Variants in SEC14L1 observed in about 807,000 individuals in gnomAD.
SEC14L1 encodes the protein SEC14 like lipid binding 1.
In SEC14L1, 48 loss-of-function variants were observed where a neutral mutation model predicts 85.3. That is an observed-to-expected ratio of 0.56 (90% confidence interval 0.45 to 0.72). The LOEUF (loss-of-function observed/expected upper bound fraction) is 0.72. Ranked by LOEUF, SEC14L1 falls within the 30% of genes least tolerant of loss-of-function variation. SEC14L1 has a pLI of 0.00. For synonymous variants in SEC14L1, 391 were observed against 355.5 expected (o/e 1.10, Z -1.12); for missense variants, 682 against 921.4 (o/e 0.74, Z 3.36).
At chr17:77,092,348 T>C (rs1971537569) in intron 2 of SEC14L1, among the ~76,000 whole-genome samples, 1 of 152,056 alleles carries the variant, frequency 6.6e-6, no homozygotes, top group Admixed American at 6.6e-5. Flanking sequence ...CAGTAGGCAC[T>C]ATGGAACAAC....
chr17:77,147,031 G>A (rs141515039), intron 3 of SEC14L1, among the ~76,000 whole-genome samples: 15 of 152,200 alleles, frequency 9.9e-5, no homozygotes, highest in African/African-American at 3.4e-4. Flanking sequence ...CGTAGCTTCC[G>A]CCGGCGGACT....
chr17:77,200,956 A>G (rs1305687829), intron 9 of SEC14L1, among the ~76,000 whole-genome samples: 1 of 152,220 alleles, frequency 6.6e-6, no homozygotes, highest in African/African-American at 2.4e-5. Flanking sequence ...GGTGCAGTAC[A>G]GTTTGTTTTG....
intron 9 of SEC14L1, among the ~76,000 whole-genome samples, chr17:77,203,295 G>A (rs966576281): frequency 1.3e-5 from 2 of 152,102 alleles, no homozygotes; most frequent in Non-Finnish European, 2.9e-5. Context: ...AGTCCCAGCC[G>A]GATTCCCCTC....
rs1356636713 is a variant in SEC14L1, at chr17:77,214,149, C to T, written c.*126C>T. 6.9e-7 allele frequency: 1 copy of T among 1,455,646 alleles called. No homozygotes were observed. The highest frequency in any genetic ancestry group is 1.4e-5 in the South Asian group (1 of 69,632). 90.2% of individuals were successfully genotyped at this position (1,455,646 alleles called of 1,614,324 possible). A position where few individuals can be genotyped will look rare whatever the true frequency, so the allele number is the denominator to read the frequency against. On this transcript the variant is annotated 3_prime_UTR_variant, in exon 17 of 17. Transcript: ENST00000436233. ...TCACCTCTAGATAGCAAATAGCTCT[C>T]AGATGGTAAACGTAGTCGTTTGATC...
intron 3 of SEC14L1, among the ~76,000 whole-genome samples, chr17:77,120,028 GC>G (rs1477322657): frequency 6.6e-6 from 1 of 152,010 alleles, no homozygotes; most frequent in Non-Finnish European, 1.5e-5. Flanking sequence ...TTGTTATACT[GC>G]CTGAGAGCCC....
At chr17:77,147,118 G>A (rs1598297838) in intron 3 of SEC14L1, among the ~76,000 whole-genome samples, 1 of 152,368 alleles carries the variant, frequency 6.6e-6, no homozygotes, top group South Asian at 2.1e-4. Context: ...TGCCCGGCAC[G>A]CAGTCACGGG....
intron 3 of SEC14L1, among the ~76,000 whole-genome samples, chr17:77,178,558 C>T (rs1974860557): frequency 6.6e-6 from 1 of 152,132 alleles, no homozygotes; most frequent in Non-Finnish European, 1.5e-5. Context: ...GCACCAGTGA[C>T]TGGTTTTGTG....
Position 77,193,399 on chromosome 17 carries a change from A to G in SEC14L1, c.346-22A>G, listed in dbSNP as rs201060058. The G allele has an allele frequency of 3.0e-4, 474 of 1,580,994 alleles. 2 individuals carry two copies. The African/African-American group carries it at 5.7e-3, about 19-fold the overall frequency. ...TTCTGTTGTCAATTCAGTCAGTGAG[A>G]GTGCTTTCTCTTTATCTGCAGGTTC... On this transcript the variant is annotated intron_variant, in intron 5 of 16. Transcript: ENST00000436233.
rs752621556 is a variant in SEC14L1, at chr17:77,212,111, T to C, written c.1773T>C (p.Asn591=). 1.1e-5 allele frequency: 18 copies of C among 1,614,158 alleles called. No homozygotes were observed. The highest frequency in any genetic ancestry group is 3.3e-5 in the Admixed American group (2 of 60,032). The change falls in exon 15 of 17, where the codon AAT becomes AAC. Residue 591 remains asparagine (N), a synonymous_variant. Coordinates refer to ENST00000436233, the MANE Select transcript of SEC14L1 (RefSeq NM_001143998.2). Reference sequence around the variant, plus strand: ...GCATCACCTCTCCGGGTGGGAACAATGTGCAGCTCATAGACAAAGTCTGGC... The same window carrying C: ...GCATCACCTCTCCGGGTGGGAACAACGTGCAGCTCATAGACAAAGTCTGGC... The part of the protein sequence containing the change: ...AHSITSPGGN[N]VQLIDKVWQL...
At chr17:77,160,913 G>A (rs1043343994) in intron 3 of SEC14L1, among the ~76,000 whole-genome samples, 2 of 152,144 alleles carry the variant, frequency 1.3e-5, no homozygotes, top group Admixed American at 6.5e-5. Context: ...GTGTTTGAGC[G>A]AACTATAGAC....
At chr17:77,203,259 A>G (rs1245845863) in intron 9 of SEC14L1, among the ~76,000 whole-genome samples, 1 of 152,202 alleles carries the variant, frequency 6.6e-6, no homozygotes, top group African/African-American at 2.4e-5. Context: ...GACTGAGCCC[A>G]GCACTTATGC....
intron 3 of SEC14L1, among the ~76,000 whole-genome samples, chr17:77,157,769 G>A (rs1055197906): frequency 3.3e-5 from 5 of 151,954 alleles, no homozygotes; most frequent in South Asian, 2.1e-4. Flanking sequence ...CTCGTGATGC[G>A]TCTGCCTTGG....
upstream of SEC14L1, among the ~76,000 whole-genome samples, chr17:77,139,345 T>C (rs1195545769): frequency 2.0e-5 from 3 of 151,336 alleles, no homozygotes. Flanking sequence ...CTACTTTTTG[T>C]ATTTTTAGTG....
intron 3 of SEC14L1, among the ~76,000 whole-genome samples, chr17:77,125,330 GA>G (rs568207404): frequency 7.4e-4 from 110 of 148,560 alleles, no homozygotes; most frequent in African/African-American, 2.4e-3. Context: ...AAAAGAAAAA[GA>G]AAAAAAAACT....
At chr17:77,202,333 A>G (rs1010265806) in intron 9 of SEC14L1, among the ~76,000 whole-genome samples, 1 of 151,842 alleles carries the variant, frequency 6.6e-6, no homozygotes, top group Admixed American at 6.6e-5. Flanking sequence ...TTAAAAAAAA[A>G]GGAGGCTGGG....
At chr17:77,111,371 G>T (rs1293187347) in intron 3 of SEC14L1, among the ~76,000 whole-genome samples, 1 of 151,402 alleles carries the variant, frequency 6.6e-6, no homozygotes, top group Non-Finnish European at 1.5e-5. Context: ...ATAAAAGATT[G>T]TGGAGACCAA....
At chr17:77,169,157 T>C (rs1233420174) in intron 3 of SEC14L1, among the ~76,000 whole-genome samples, 1 of 151,798 alleles carries the variant, frequency 6.6e-6, no homozygotes, top group Non-Finnish European at 1.5e-5. Context: ...AGTACCACCA[T>C]ACATTTGCTT....
chr17:77,089,099 G>A (rs1234910622), intron 1 of SEC14L1: 1 of 258,650 alleles, frequency 3.9e-6, no homozygotes, highest in Middle Eastern at 1.0e-3. Flanking sequence ...AGTGTGGTAA[G>A]CGTCGAATGA....
chr17:77,170,051 A>AG lies in SEC14L1; in HGVS notation c.64-20749dup, dbSNP rs531158204. Among the ~76,000 whole-genome samples, 388 of 152,292 alleles carry AG rather than the reference A, an allele frequency of 2.5e-3. 6 individuals carry two copies. Among genetic ancestry groups the AG allele is most frequent in the Non-Finnish European group, 6.3e-4 (43 of 68,030 alleles). On this transcript the variant is annotated intron_variant, in intron 3 of 16. Transcript: ENST00000436233. ...TGTAGGCAGTTTTATTTATCCTGGA[A>AG]GGGCAAAGGTACTTTTCTGAAGAGG...
Sources: gnomAD v4.1 joint callset for allele counts (sites outside exome capture counted in the v4.1 genomes callset) on GRCh38, gnomAD v4.1.1 for gene constraint, MANE v1.5 for transcripts, NCBI Gene and HGNC (gene_info 2026-07-23, HGNC 2026-07-21) for gene names.